The following RHO variants were observed in gnomAD, a reference collection of about 807,000 sequenced individuals.
The protein encoded by RHO is rhodopsin.
RHO carries 21 observed loss-of-function variants against 31.2 expected under a neutral mutation model. That is an observed-to-expected ratio of 0.67 (90% CI 0.48 to 0.97). RHO has a LOEUF of 0.97. Ranked by LOEUF, RHO falls within the 50% of genes least tolerant of loss-of-function variation. The pLI is 0.00. For synonymous variants in RHO, 211 were observed against 196.6 expected (o/e 1.07, Z -0.61); for missense variants, 414 against 479.5 (o/e 0.86, Z 1.28).
In RHO at chr3:129,532,794, G is replaced by A; in HGVS notation, c.936+22G>A. On this transcript the variant is annotated intron_variant, in intron 4 of 4. Transcript: ENST00000296271. The surrounding 1 kb of genome is among the most constrained non-coding windows in gnomAD (Gnocchi z 5.5). ...GCAGGTGCCTACTGCGGGTGGGAGG[G>A]CCCCAGTGCCCCAGGCCACAGGCGC... is the stretch of plus-strand genomic sequence containing the variant. 6.2e-7 allele frequency: 1 copy of A among 1,613,172 alleles called. No homozygotes were observed. The highest frequency in any genetic ancestry group is 8.5e-7 in the Non-Finnish European group (1 of 1,180,022).
At chr3:129,531,529 A>G (rs764277444) in intron 2 of RHO, among the ~76,000 whole-genome samples, 2 of 151,976 alleles carry the variant, frequency 1.3e-5, no homozygotes, top group Non-Finnish European at 2.9e-5. Flanking sequence ...AGGACTGGTG[A>G]CTCTGGTCCC....
In RHO at chr3:129,533,210, A is replaced by C. The variant is rs182735834; in HGVS notation, c.937-398A>C. On this transcript the variant is annotated intron_variant, in intron 4 of 4. Coordinates refer to ENST00000296271, the MANE Select transcript of RHO (RefSeq NM_000539.3). Reference sequence around the variant, plus strand: ...CCGAGGGGTAAACAGTTGGGTAAACAGTCTCTGAAGTCAGCTCTGCCATTT... The same window carrying C: ...CCGAGGGGTAAACAGTTGGGTAAACCGTCTCTGAAGTCAGCTCTGCCATTT... 5.9e-3 allele frequency among the ~76,000 whole-genome samples: 901 copies of C among 152,354 alleles called. 7 individuals carry two copies. Among genetic ancestry groups the C allele is most frequent in the South Asian group, 0.026 (127 of 4,832 alleles).
Position 129,533,602 on chromosome 3 carries a change from T to A in RHO, c.937-6T>A, listed in dbSNP as rs543521798. ...CTGGCCCTGACTCAAGCCTCTTGCCTTCCAGTTCCGGAACTGCATGCTCAC... is the reference window on the plus strand; with the variant it reads ...CTGGCCCTGACTCAAGCCTCTTGCCATCCAGTTCCGGAACTGCATGCTCAC... On this transcript the variant is annotated splice_region_variant and splice_polypyrimidine_tract_variant and intron_variant, in intron 4 of 4. Coordinates refer to ENST00000296271, the MANE Select transcript of RHO (RefSeq NM_000539.3). 4 of 1,610,336 alleles carry A rather than the reference T, an allele frequency of 2.5e-6. No individual in the cohort carries two copies. The highest frequency in any genetic ancestry group is 3.4e-6 in the Non-Finnish European group (4 of 1,176,574).
rs187430296 is a variant in RHO, at chr3:129,533,225, C to T, written c.937-383C>T. ...TTGGGTAAACAGTCTCTGAAGTCAG[C>T]TCTGCCATTTTCTAGCTGTATGGCC... On this transcript the variant is annotated intron_variant, in intron 4 of 4. Transcript: ENST00000296271. 1.9e-3 allele frequency among the ~76,000 whole-genome samples: 294 copies of T among 152,352 alleles called. 1 individual carries two copies. Among genetic ancestry groups the T allele is most frequent in the African/African-American group, 6.1e-3 (252 of 41,584 alleles).
At chr3:129,533,206 A>G (rs1190941811) in intron 4 of RHO, among the ~76,000 whole-genome samples, 1 of 152,208 alleles carries the variant, frequency 6.6e-6, no homozygotes, top group African/African-American at 2.4e-5. Flanking sequence ...ACAGTTGGGT[A>G]AACAGTCTCT....
chr3:129,531,260 A>C (rs2084778327), intron 2 of RHO, among the ~76,000 whole-genome samples: 1 of 152,232 alleles, frequency 6.6e-6, no homozygotes, highest in Non-Finnish European at 1.5e-5. Flanking sequence ...TGTCAAACAG[A>C]ATCCAAGACA....
Position 129,531,147 on chromosome 3 carries a change from T to G in RHO, c.530+103T>G, listed in dbSNP as rs2084776995. The stretch of plus-strand genomic sequence containing the variant: ...TGTCTGGTTCCAGGCACTGACCTTG[T>G]ATGTCTCCTGGCCCAAATGCCCACT... On this transcript the variant is annotated intron_variant, in intron 2 of 4. Coordinates refer to ENST00000296271, the MANE Select transcript of RHO (RefSeq NM_000539.3). 8 of 1,386,426 alleles carry G rather than the reference T, an allele frequency of 5.8e-6. No homozygotes were observed. The Admixed American group carries it at 1.5e-4, about 26-fold the overall frequency. The allele number at this position is 1,386,426 out of a possible 1,614,324, so 85.9% of individuals were successfully genotyped here.
intron 1 of RHO, among the ~76,000 whole-genome samples, chr3:129,530,343 G>A (rs562999077): frequency 1.3e-5 from 2 of 152,118 alleles, no homozygotes; most frequent in Non-Finnish European, 2.9e-5. Context: ...GCAAAACATT[G>A]CACATTGCTT....
Position 129,532,403 on chromosome 3 carries a change from T to C in RHO, c.683T>C (p.Phe228Ser), listed in dbSNP as rs1301777085. The C allele has an allele frequency of 1.9e-6, 3 of 1,614,002 alleles. No individual in the cohort carries two copies. In the African/African-American group the frequency reaches 4.0e-5, roughly 22 times the overall value. ...TTTTTCTGCTATGGGCAGCTCGTCT[T>C]CACCGTCAAGGAGGTACGGGCCGGG... ...IIFFCYGQLV[F>S]TVKEAAAQQQ... The change falls in exon 3 of 5, where the codon TTC becomes TCC. Residue 228 changes from phenylalanine (F) to serine (S), a missense_variant. Transcript: ENST00000296271. This position sits in a 1 kb window ranked among gnomAD's most constrained non-coding sequence, Gnocchi z 5.5.
chr3:129,529,896 G>C (rs1338799697), intron 1 of RHO, among the ~76,000 whole-genome samples: 1 of 152,188 alleles, frequency 6.6e-6, no homozygotes, highest in Admixed American at 6.5e-5. Flanking sequence ...GCAGCAACAA[G>C]AGCCTAGGTC....
intron 1 of RHO, among the ~76,000 whole-genome samples, 197 bp downstream of exon 1, chr3:129,529,291 A>G (rs2084760607): frequency 6.6e-6 from 1 of 152,226 alleles, no homozygotes; most frequent in Non-Finnish European, 1.5e-5. Context: ...CAGGGCTGGC[A>G]CTGAACACTG....
intron 1 of RHO, 48 bp downstream of exon 1, chr3:129,529,142 G>T (rs749016955): frequency 3.8e-6 from 6 of 1,590,276 alleles, no homozygotes; most frequent in Middle Eastern, 3.3e-4. Context: ...GGAGCATGGA[G>T]GGGTCTGGGA....
Position 129,532,705 on chromosome 3 carries a change from T to A in RHO, c.869T>A (p.Ile290Asn), listed in dbSNP as rs758543619. The change falls in exon 4 of 5, where the codon ATC becomes AAC. Residue 290 changes from isoleucine (I) to asparagine (N), a missense_variant. Physicochemically the swap from Ile to Asn is moderately radical, Grantham distance 149. Transcript: ENST00000296271. The surrounding 1 kb of genome is among the most constrained non-coding windows in gnomAD (Gnocchi z 5.5). ...AACTTCGGTCCCATCTTCATGACCA[T>A]CCCAGCGTTCTTTGCCAAGAGCGCC... ...GSNFGPIFMTIPAFFAKSAAI... is the reference protein window; with the variant it reads ...GSNFGPIFMTNPAFFAKSAAI... 2.5e-6 allele frequency: 4 copies of A among 1,614,270 alleles called. No homozygotes were observed. The East Asian group carries it at 8.9e-5, about 36-fold the overall frequency.
rs766225946 is a variant in RHO, at chr3:129,533,958, C to T, written c.*240C>T. The stretch of plus-strand genomic sequence containing the variant: ...GGAGTCCCACGTTCCCCAAGGCCAG[C>T]GGGATGTGTGCCCCTCCTCCTCCCA... On this transcript the variant is annotated 3_prime_UTR_variant, in exon 5 of 5. Coordinates refer to ENST00000296271, the MANE Select transcript of RHO (RefSeq NM_000539.3). The T allele has an allele frequency of 4.3e-5, 21 of 486,976 alleles. No homozygotes were observed. Among genetic ancestry groups the T allele is most frequent in the African/African-American group, 7.8e-5 (4 of 51,456 alleles). The allele number at this position is 486,976 out of a possible 1,614,324, so 30.2% of individuals were successfully genotyped here.
Position 129,528,660 on chromosome 3 carries a change from T to C in RHO, c.-74T>C. On this transcript the variant is annotated 5_prime_UTR_variant, in exon 1 of 5. Coordinates refer to ENST00000296271, the MANE Select transcript of RHO (RefSeq NM_000539.3). ...ACCCAGAGTCATCCAGCTGGAGCCC[T>C]GAGTGGCTGAGCTCAGGCCTTCGCA... The C allele has an allele frequency of 1.9e-6, 3 of 1,603,998 alleles. No individual in the cohort carries two copies. The highest frequency in any genetic ancestry group is 1.1e-5 in the South Asian group (1 of 89,828).
chr3:129,531,229 G>C (rs1020274333), intron 2 of RHO, among the ~76,000 whole-genome samples, 185 bp downstream of exon 2: 1 of 152,216 alleles, frequency 6.6e-6, no homozygotes, highest in Non-Finnish European at 1.5e-5. Flanking sequence ...TACAAGGGCT[G>C]GTCCCATCTC....
At position 129,532,371 on chromosome 3, in the gene RHO, T is replaced by C. The variant is rs2084786816; in HGVS notation, c.651T>C (p.Ile217=). The C allele has an allele frequency of 6.2e-7, 1 of 1,613,962 alleles. No individual in the cohort carries two copies. Among genetic ancestry groups the C allele is most frequent in the South Asian group, 1.1e-5 (1 of 91,080 alleles). ...MFVVHFTIPM[I]IIFFCYGQLV... ...TGGTCCACTTCACCATCCCCATGAT[T>C]ATCATCTTTTTCTGCTATGGGCAGC... is the stretch of plus-strand genomic sequence containing the variant. The change falls in exon 3 of 5, where the codon ATT becomes ATC. Residue 217 remains isoleucine (I), a synonymous_variant. Coordinates refer to ENST00000296271, the MANE Select transcript of RHO (RefSeq NM_000539.3). This position sits in a 1 kb window ranked among gnomAD's most constrained non-coding sequence, Gnocchi z 5.5.
chr3:129,533,653 C>G lies in RHO; in HGVS notation c.982C>G (p.Leu328Val). The change falls in exon 5 of 5, where the codon CTG (leucine) becomes GTG (valine). Residue 328 changes from leucine (L) to valine (V), a missense_variant. Leu to Val is a conservative substitution (Grantham distance 32, BLOSUM62 1). Coordinates refer to ENST00000296271, the MANE Select transcript of RHO (RefSeq NM_000539.3). Reference protein sequence around the residue: ...LTTICCGKNPLGDDEASATVS... With the variant: ...LTTICCGKNPVGDDEASATVS... ...CACCATCTGCTGCGGCAAGAACCCA[C>G]TGGGTGACGATGAGGCCTCTGCTAC... 1 of 1,614,162 alleles carries G rather than the reference C, an allele frequency of 6.2e-7. No homozygotes were observed. Among genetic ancestry groups the G allele is most frequent in the Non-Finnish European group, 8.5e-7 (1 of 1,180,034 alleles).
In RHO at chr3:129,532,370, T is replaced by G. The variant is rs1365280636; in HGVS notation, c.650T>G (p.Ile217Ser). 6 of 1,613,878 alleles carry G rather than the reference T, an allele frequency of 3.7e-6. No homozygotes were observed. In the Admixed American group the frequency reaches 6.7e-5, roughly 18 times the overall value. ...MFVVHFTIPM[I>S]IIFFCYGQLV... ...GTGGTCCACTTCACCATCCCCATGA[T>G]TATCATCTTTTTCTGCTATGGGCAG... The change falls in exon 3 of 5, where the codon ATT becomes AGT. Residue 217 changes from isoleucine to serine, a missense_variant. By Grantham distance (142) the Ile-to-Ser change is moderately radical (BLOSUM62 -2). Transcript: ENST00000296271. This position sits in a 1 kb window ranked among gnomAD's most constrained non-coding sequence, Gnocchi z 5.5.
Sources: allele counts gnomAD v4.1 joint callset (sites outside exome capture counted in the v4.1 genomes callset), GRCh38; gene constraint gnomAD v4.1.1; non-coding constraint Gnocchi (gnomAD v3.1); transcripts MANE v1.5; gene names NCBI Gene and HGNC (gene_info 2026-07-23, HGNC 2026-07-21).